The following OPCML variants were observed in gnomAD, a reference collection of about 807,000 sequenced individuals.
The protein encoded by OPCML is opioid binding protein/cell adhesion molecule like.
A neutral mutation model predicts 37.8 loss-of-function variants in OPCML; 13 were observed. The observed-to-expected ratio is 0.34, with a 90% CI of 0.22 to 0.55. The LOEUF is 0.55. Ranked by LOEUF, OPCML falls within the 20% of genes least tolerant of loss-of-function variation. The pLI is 0.91. For synonymous variants in OPCML, 176 were observed against 168.8 expected (o/e 1.04, Z -0.33); for missense variants, 341 against 435.6 (o/e 0.78, Z 1.93).
chr11:132,587,614 A>T (rs527670255), intron 3 of OPCML, among the ~76,000 whole-genome samples: 2 of 152,298 alleles, frequency 1.3e-5, no homozygotes, highest in East Asian at 3.9e-4. Flanking sequence ...TTCTTCAGTG[A>T]CAGGGCATCC....
chr11:132,596,051 C>T lies in OPCML; in HGVS notation c.379+61036G>A, dbSNP rs569941064. ...TCTGGATACTGTCCAGACTCCACCA[C>T]TTGGCTGTGTGACAGTGAGCAAGCA... On this transcript the variant is annotated intron_variant, in intron 3 of 7. Coordinates refer to ENST00000524381, the MANE Select transcript of OPCML (RefSeq NM_001012393.5). 2.6e-5 allele frequency among the ~76,000 whole-genome samples: 4 copies of T among 152,300 alleles called. No homozygotes were observed. In the South Asian group the frequency reaches 6.2e-4, roughly 24 times the overall value.
intron 2 of OPCML, among the ~76,000 whole-genome samples, chr11:132,817,415 G>A (rs1321483563): frequency 6.6e-6 from 1 of 152,034 alleles, no homozygotes; most frequent in African/African-American, 2.4e-5. Flanking sequence ...TGTAGTCTTA[G>A]GTATGAAACT....
chr11:132,519,936 G>C (rs1002576391), intron 4 of OPCML, among the ~76,000 whole-genome samples: 1 of 152,162 alleles, frequency 6.6e-6, no homozygotes, highest in Admixed American at 6.5e-5. Flanking sequence ...TGTTACCTGG[G>C]ATGGCTTAGA....
intron 4 of OPCML, among the ~76,000 whole-genome samples, chr11:132,479,750 C>G (rs564157415): frequency 6.6e-6 from 1 of 152,158 alleles, no homozygotes; most frequent in East Asian, 1.9e-4. Flanking sequence ...GGGAGGCACC[C>G]CCCAGCAGGG....
intron 1 of OPCML, among the ~76,000 whole-genome samples, chr11:133,022,674 T>C (rs1457624707): frequency 1.3e-5 from 2 of 152,140 alleles, no homozygotes; most frequent in Non-Finnish European, 2.9e-5. Flanking sequence ...GGTTCAAAGA[T>C]GGACCTCTGC....
At chr11:133,376,334 C>G (rs1297172841) in intron 1 of OPCML, among the ~76,000 whole-genome samples, 1 of 151,986 alleles carries the variant, frequency 6.6e-6, no homozygotes, top group Non-Finnish European at 1.5e-5. Context: ...ATGATAGCAA[C>G]AAATTCTAAG....
intron 3 of OPCML, among the ~76,000 whole-genome samples, chr11:132,565,598 C>T (rs2096420748): frequency 1.3e-5 from 2 of 152,174 alleles, no homozygotes; most frequent in African/African-American, 4.8e-5. Context: ...GCCCTCAAAC[C>T]ACCCCAGTCT....
intron 2 of OPCML, among the ~76,000 whole-genome samples, chr11:132,923,092 A>AAATAAATAAAT (rs151184353): frequency 0.12 from 17,282 of 148,414 alleles, 1,147 homozygotes; most frequent in East Asian, 0.31. Flanking sequence ...ATAAATAAAT[A>AAATAAATAAAT]AATAATAATA....
chr11:132,600,839 C>CTT lies in OPCML; in HGVS notation c.379+56246_379+56247dup, dbSNP rs145586468. On this transcript the variant is annotated intron_variant, in intron 3 of 7. Transcript: ENST00000524381. ...AATATCTGTTGATTCAAATAGTTAA[C>CTT]TTTTTTTTTTTTTTTTTTTTTTTTT... 3.9e-3 allele frequency among the ~76,000 whole-genome samples: 367 copies of CTT among 94,580 alleles called. 3 individuals are homozygous for CTT. Among genetic ancestry groups the CTT allele is most frequent in the East Asian group, 0.014 (38 of 2,656 alleles). 62.0% of individuals were successfully genotyped at this position (94,580 alleles called of 152,430 possible). A position where few individuals can be genotyped will look rare whatever the true frequency, so the allele number is the denominator to read the frequency against.
At chr11:133,169,141 C>A (rs1224073028) in intron 1 of OPCML, among the ~76,000 whole-genome samples, 2 of 152,082 alleles carry the variant, frequency 1.3e-5, no homozygotes, top group African/African-American at 4.8e-5. Flanking sequence ...AAAATAAATA[C>A]ATAAATAAAA....
chr11:133,104,892 A>C (rs2137078817), intron 1 of OPCML, among the ~76,000 whole-genome samples: 1 of 152,350 alleles, frequency 6.6e-6, no homozygotes, highest in South Asian at 2.1e-4. Flanking sequence ...AAACTGTAGG[A>C]ATAATTTTCC....
chr11:132,931,409 G>A lies in OPCML; in HGVS notation c.146+11517C>T, dbSNP rs143336703. Among the ~76,000 whole-genome samples the A allele has an allele frequency of 6.4e-3, 982 of 152,254 alleles. 9 individuals carry two copies. The highest frequency in any genetic ancestry group is 0.022 in the African/African-American group (932 of 41,554). ...ATCCACAGAATGGGAGGGAATATTTGTGAGTCATATATCTGATAAGGGTCA... is the reference window on the plus strand; with the variant it reads ...ATCCACAGAATGGGAGGGAATATTTATGAGTCATATATCTGATAAGGGTCA... On this transcript the variant is annotated intron_variant, in intron 2 of 7. Transcript: ENST00000524381.
At chr11:133,140,519 T>G (rs1306355052) in intron 1 of OPCML, among the ~76,000 whole-genome samples, 1 of 68,114 alleles carries the variant, frequency 1.5e-5, no homozygotes, top group African/African-American at 5.0e-5. Context: ...CTCAAAATAA[T>G]AATAATAATA....
At chr11:132,815,648 TGAG>T (rs939664795) in intron 2 of OPCML, among the ~76,000 whole-genome samples, 3 of 152,056 alleles carry the variant, frequency 2.0e-5, no homozygotes, top group African/African-American at 7.2e-5. Context: ...AGGTTAGGTG[TGAG>T]GAGAATGAGG....
At chr11:132,802,607 G>A (rs368491736) in intron 2 of OPCML, among the ~76,000 whole-genome samples, 21 of 128,822 alleles carry the variant, frequency 1.6e-4, no homozygotes, top group African/African-American at 5.7e-4. Flanking sequence ...AATACCAACA[G>A]CAGAAATATG....
At chr11:132,721,309 T>C (rs749075691) in intron 2 of OPCML, among the ~76,000 whole-genome samples, 1 of 152,170 alleles carries the variant, frequency 6.6e-6, no homozygotes, top group Non-Finnish European at 1.5e-5. Flanking sequence ...GAGGAGGCCA[T>C]GCTTCAGATA....
rs150862857 is a variant in OPCML, at chr11:133,253,319, T to A, written c.61+278945A>T. On this transcript the variant is annotated intron_variant, in intron 1 of 7. Transcript: ENST00000524381. ...TCAGTGCAAGTCACATTTTATTTTA[T>A]TTTATTTTAAGACAGAATCTTGCTC... Among the ~76,000 whole-genome samples, 606 of 152,196 alleles carry A rather than the reference T, an allele frequency of 4.0e-3. 4 individuals are homozygous for A. The highest frequency in any genetic ancestry group is 0.014 in the African/African-American group (578 of 41,504).
intron 1 of OPCML, among the ~76,000 whole-genome samples, chr11:133,401,388 C>A (rs895123419): frequency 6.6e-6 from 1 of 152,088 alleles, no homozygotes; most frequent in African/African-American, 2.4e-5. Context: ...AACACTCTTG[C>A]ATGCATTATC....
intron 1 of OPCML, among the ~76,000 whole-genome samples, chr11:133,367,755 G>A (rs756893034): frequency 1.4e-4 from 21 of 152,232 alleles, no homozygotes; most frequent in East Asian, 3.9e-4. Flanking sequence ...TAGCTTGTAC[G>A]TTCTGGCCCT....
Sources: allele counts gnomAD v4.1 joint callset (sites outside exome capture counted in the v4.1 genomes callset), GRCh38; gene constraint gnomAD v4.1.1; transcripts MANE v1.5; gene names NCBI Gene and HGNC (gene_info 2026-07-23, HGNC 2026-07-21).